The following CACHD1 variants were observed in gnomAD, a reference collection of about 807,000 sequenced individuals.
The protein encoded by CACHD1 is VWFA and cache domain-containing protein 1.
A neutral mutation model predicts 138.7 loss-of-function variants in CACHD1; 71 were observed. The ratio of observed to expected loss-of-function variants is 0.51; its 90% CI spans 0.42 to 0.62. The LOEUF (loss-of-function observed/expected upper bound fraction) is 0.62, where lower values mean the gene tolerates loss of function less well. Among genes scored for constraint, CACHD1 ranks in the 20% least tolerant of loss-of-function variants. The probability of loss-of-function intolerance (pLI) is 0.00; values close to 1 mark genes in which losing one functional copy is unlikely to be tolerated. For missense variants in CACHD1, 1,389 were observed against 1,625.3 expected (o/e 0.85, Z 2.50); for synonymous variants, 578 against 591.5 (o/e 0.98, Z 0.33).
At chr1:64,627,125 G>A (rs1648124505) in intron 4 of CACHD1, among the ~76,000 whole-genome samples, 1 of 152,134 alleles carries the variant, frequency 6.6e-6, no homozygotes, top group South Asian at 2.1e-4. Context: ...AAAATCTCAG[G>A]GCTGGGCATG....
At chr1:64,690,021 C>T (rs1264270626) in intron 26 of CACHD1, among the ~76,000 whole-genome samples, 1 of 152,196 alleles carries the variant, frequency 6.6e-6, no homozygotes, top group Admixed American at 6.5e-5. Flanking sequence ...TTCCTCTTCT[C>T]CCGCTCCAGC....
At chr1:64,590,266 G>A (rs1413964678) in intron 3 of CACHD1, among the ~76,000 whole-genome samples, 1 of 148,420 alleles carries the variant, frequency 6.7e-6, no homozygotes, top group Non-Finnish European at 1.5e-5. Flanking sequence ...AGCTTGCAGT[G>A]AGCCAAGATC....
chr1:64,623,261 G>T (rs1021805045), intron 4 of CACHD1, among the ~76,000 whole-genome samples: 1 of 151,964 alleles, frequency 6.6e-6, no homozygotes, highest in African/African-American at 2.4e-5. Context: ...AATGAGCTGG[G>T]CATGGTGACG....
rs3078373 is a variant in CACHD1, at chr1:64,475,171, CTTTT to C, written c.198+4245_198+4248del. Among the ~76,000 whole-genome samples, 5 of 124,266 alleles carry C rather than the reference CTTTT, an allele frequency of 4.0e-5. No homozygotes were observed. In the East Asian group the frequency reaches 1.0e-3, roughly 25 times the overall value. 81.5% of individuals were successfully genotyped at this position (124,266 alleles called of 152,430 possible). A position where few individuals can be genotyped will look rare whatever the true frequency, so the allele number is the denominator to read the frequency against. ...AAACAACAATGCACTAAATTCCTTCCTTTTTTTTTTTTTTTTTTTCTTAAGAGAC... is the reference window on the plus strand; with the variant it reads ...AAACAACAATGCACTAAATTCCTTCCTTTTTTTTTTTTTTTCTTAAGAGAC... On this transcript the variant is annotated intron_variant, in intron 1 of 26. Transcript: ENST00000651257.
chr1:64,550,540 A>G (rs977612781), intron 1 of CACHD1, 54 bp from the exon 2 acceptor site: 8 of 1,236,808 alleles, frequency 6.5e-6, no homozygotes, highest in South Asian at 1.2e-5. Flanking sequence ...ATACACACTC[A>G]TGTAGAAAAT....
chr1:64,532,555 G>A (rs999256736), intron 1 of CACHD1, among the ~76,000 whole-genome samples: 3 of 152,110 alleles, frequency 2.0e-5, no homozygotes, highest in Admixed American at 1.3e-4. Flanking sequence ...TGCAGCTGGA[G>A]AACACTCATC....
chr1:64,490,210 A>T (rs1440348213), intron 1 of CACHD1, among the ~76,000 whole-genome samples: 1 of 152,210 alleles, frequency 6.6e-6, no homozygotes, highest in Non-Finnish European at 1.5e-5. Flanking sequence ...AAATTCCCAA[A>T]GGGCAGAAGC....
At chr1:64,630,550 C>G (rs1020129557) in intron 5 of CACHD1, among the ~76,000 whole-genome samples, 2 of 152,178 alleles carry the variant, frequency 1.3e-5, no homozygotes, top group Non-Finnish European at 2.9e-5. Context: ...TCCCAAAGTG[C>G]TGGGATTACA....
In CACHD1 at chr1:64,681,346, A is replaced by T. The variant is rs1241261645; in HGVS notation, c.3484+11A>T. On this transcript the variant is annotated intron_variant, in intron 25 of 26. Coordinates refer to ENST00000651257, the MANE Select transcript of CACHD1 (RefSeq NM_020925.4). The stretch of plus-strand genomic sequence containing the variant: ...AAGACAGAGGCATCAGTGAGTATTC[A>T]GCTGCCTTGCTGCAGAATGTGTCAG... 6.2e-7 allele frequency: 1 copy of T among 1,602,496 alleles called. No individual in the cohort carries two copies. Among genetic ancestry groups the T allele is most frequent in the Admixed American group, 1.7e-5 (1 of 59,964 alleles).
At chr1:64,473,365 C>T (rs1185553511) in intron 1 of CACHD1, among the ~76,000 whole-genome samples, 1 of 151,790 alleles carries the variant, frequency 6.6e-6, no homozygotes, top group African/African-American at 2.4e-5. Context: ...GGCCTTAGAA[C>T]AAAGATTTTG....
At chr1:64,485,132 G>A (rs1013448362) in intron 1 of CACHD1, among the ~76,000 whole-genome samples, 1 of 152,150 alleles carries the variant, frequency 6.6e-6, no homozygotes, top group Non-Finnish European at 1.5e-5. Flanking sequence ...ACCAATACTT[G>A]TTTTTTGTTT....
At chr1:64,659,412 A>G (rs1649371266) in intron 13 of CACHD1, among the ~76,000 whole-genome samples, 1 of 152,202 alleles carries the variant, frequency 6.6e-6, no homozygotes, top group South Asian at 2.1e-4. Context: ...GAATAACAGT[A>G]AAAGGCCTCC....
chr1:64,480,040 G>T (rs944587781), intron 1 of CACHD1, among the ~76,000 whole-genome samples: 6 of 152,176 alleles, frequency 3.9e-5, no homozygotes, highest in Non-Finnish European at 5.9e-5. Context: ...AGCCTGCAAG[G>T]TGGACTCCCT....
chr1:64,679,537 C>T (rs76873467), intron 23 of CACHD1, 58 bp from the exon 24 acceptor site: 2 of 1,591,946 alleles, frequency 1.3e-6, no homozygotes, highest in East Asian at 2.2e-5. Flanking sequence ...ACCATCCTTA[C>T]TTTCTTCCCC....
chr1:64,666,631 C>T (rs1649641340), intron 16 of CACHD1, among the ~76,000 whole-genome samples: 1 of 151,894 alleles, frequency 6.6e-6, no homozygotes, highest in Non-Finnish European at 1.5e-5. Context: ...AATCCCAGCA[C>T]CTTGAGAGGC....
At chr1:64,668,077 C>G (rs997822028) in intron 16 of CACHD1, among the ~76,000 whole-genome samples, 1 of 152,050 alleles carries the variant, frequency 6.6e-6, no homozygotes, top group Non-Finnish European at 1.5e-5. Flanking sequence ...GCCTGTAATC[C>G]CAGCACATTG....
intron 1 of CACHD1, among the ~76,000 whole-genome samples, chr1:64,536,907 G>C (rs1334170427): frequency 6.6e-6 from 1 of 152,146 alleles, no homozygotes; most frequent in African/African-American, 2.4e-5. Context: ...TGTGGGGTTG[G>C]AGGCATGTTG....
intron 1 of CACHD1, among the ~76,000 whole-genome samples, chr1:64,488,662 A>C (rs1219125143): frequency 6.6e-6 from 1 of 152,206 alleles, no homozygotes; most frequent in African/African-American, 2.4e-5. Context: ...ACTGAGATCA[A>C]AATTGTGTAG....
At chr1:64,621,522 A>G (rs1031013886) in intron 4 of CACHD1, among the ~76,000 whole-genome samples, 1 of 152,206 alleles carries the variant, frequency 6.6e-6, no homozygotes, top group African/African-American at 2.4e-5. Context: ...TACATAAAGA[A>G]TACACAGGAC....
Sources: allele counts gnomAD v4.1 joint callset (sites outside exome capture counted in the v4.1 genomes callset), GRCh38; gene constraint gnomAD v4.1.1; transcripts MANE v1.5; gene names NCBI Gene and HGNC (gene_info 2026-07-23, HGNC 2026-07-21).